MACF1: variants seen among roughly 807,000 people sequenced by gnomAD.
MACF1 encodes the protein microtubule actin crosslinking factor 1.
Under a neutral mutation model 854.8 loss-of-function variants are expected in MACF1, and 193 were observed. That is an observed-to-expected ratio of 0.23 (90% CI 0.20 to 0.25). The LOEUF (loss-of-function observed/expected upper bound fraction) is 0.25. Ranked by LOEUF, MACF1 falls within the 10% of genes least tolerant of loss-of-function variation. The probability of loss-of-function intolerance (pLI) is 1.00; values close to 1 mark genes in which losing one functional copy is unlikely to be tolerated. For synonymous variants in MACF1, 3,185 were observed against 3,226.7 expected, an observed-to-expected ratio of 0.99 and a Z score of 0.44; for missense variants, 7,722 against 8,929.1, an observed-to-expected ratio of 0.86 and a Z score of 5.45.
At chr1:39,423,687 A>G (rs1643630380) in intron 60 of MACF1, among the ~76,000 whole-genome samples, 1 of 152,004 alleles carries the variant, frequency 6.6e-6, no homozygotes, top group Non-Finnish European at 1.5e-5. Context: ...TTTGATATAC[A>G]TATACGTTGT....
chr1:39,456,559 T>C (rs751650424), intron 89 of MACF1: 20 of 152,270 alleles, frequency 1.3e-4, no homozygotes, highest in Non-Finnish European at 2.6e-4. Flanking sequence ...TGTAACTTCA[T>C]CGTAAGTCGA....
chr1:39,427,530 A>G lies in MACF1; in HGVS notation c.16392A>G (p.Leu5464=), dbSNP rs1643765821. 4 of 1,614,008 alleles carry G rather than the reference A, an allele frequency of 2.5e-6. No individual in the cohort carries two copies. Among genetic ancestry groups the G allele is most frequent in the Non-Finnish European group, 2.5e-6 (3 of 1,179,992 alleles). The part of the protein sequence containing the change: ...HETAEPISDF[L]SVTEKKLANS... The stretch of plus-strand genomic sequence containing the variant: ...CAGCTGAGCCTATTTCTGACTTCTT[A>G]TCTGTCACAGAGAAAAAGCTTGCTA... The change falls in exon 62 of 101, where the codon TTA becomes TTG. Residue 5464 remains leucine (L), a synonymous_variant. Coordinates refer to ENST00000564288, the MANE Select transcript of MACF1 (RefSeq NM_001394062.1).
intron 47 of MACF1, among the ~76,000 whole-genome samples, chr1:39,359,942 G>A (rs1305074696): frequency 7.6e-6 from 1 of 130,846 alleles, no homozygotes; most frequent in African/African-American, 2.9e-5. Flanking sequence ...AGCTGAGATC[G>A]TGCCACTGCA....
At chr1:39,415,123 T>A (rs1643238325) in intron 58 of MACF1, among the ~76,000 whole-genome samples, 1 of 152,192 alleles carries the variant, frequency 6.6e-6, no homozygotes, top group South Asian at 2.1e-4. Flanking sequence ...GCTAAATGAT[T>A]AAGAACTTTT....
chr1:39,458,773 G>A (rs989050129), intron 90 of MACF1: 7 of 499,868 alleles, frequency 1.4e-5, no homozygotes, highest in African/African-American at 1.3e-4. Flanking sequence ...TTTACATTTG[G>A]CTTGTACTAA....
chr1:39,303,663 C>G (rs1339491529), intron 23 of MACF1, among the ~76,000 whole-genome samples: 1 of 150,296 alleles, frequency 6.7e-6, no homozygotes. Flanking sequence ...ACCAGCCTGG[C>G]CAACACGGTG....
chr1:39,268,944 AC>A, intron 6 of MACF1: 11 of 1,286,140 alleles, frequency 8.6e-6, no homozygotes, highest in Non-Finnish European at 1.1e-5. Context: ...GGTAGAGCAT[AC>A]CCCCCCAGAT....
At chr1:39,365,767 C>G (rs1409696361) in intron 49 of MACF1, among the ~76,000 whole-genome samples, 1 of 151,652 alleles carries the variant, frequency 6.6e-6, no homozygotes, top group Non-Finnish European at 1.5e-5. Context: ...CCTCTGCCTT[C>G]CAGGTTCAAG....
At chr1:39,448,823 C>A in intron 84 of MACF1, 60 bp downstream of exon 84, 5 of 1,388,358 alleles carry the variant, frequency 3.6e-6, no homozygotes, top group South Asian at 3.2e-5. Flanking sequence ...GAGGTTCTTA[C>A]CAGATTCTAT....
intron 52 of MACF1, 98 bp from the exon 53 acceptor site, chr1:39,378,363 C>T: frequency 2.5e-6 from 2 of 801,182 alleles, no homozygotes; most frequent in Non-Finnish European, 4.4e-6. Flanking sequence ...CTTCCTGATA[C>T]CTAAGCTTAA....
intron 2 of MACF1, among the ~76,000 whole-genome samples, chr1:39,166,240 G>A (rs1235268143): frequency 6.6e-6 from 1 of 151,462 alleles, no homozygotes; most frequent in Non-Finnish European, 1.5e-5. Context: ...TCTAATTTTT[G>A]TATTTTCAGT....
Position 39,357,836 on chromosome 1 carries a change from C to T in MACF1, c.11886C>T (p.Asn3962=), listed in dbSNP as rs1417723365. The T allele has an allele frequency of 3.7e-6, 6 of 1,614,096 alleles. No homozygotes were observed. The highest frequency in any genetic ancestry group is 3.4e-6 in the Non-Finnish European group (4 of 1,180,006). Reference sequence around the variant, plus strand: ...GCAAAGAACCATCAGAAATTGGAAACTTAGTAAAGGACAAGTTGAAGGATG... The same window carrying T: ...GCAAAGAACCATCAGAAATTGGAAATTTAGTAAAGGACAAGTTGAAGGATG... ...KEGKEPSEIG[N]LVKDKLKDAT... is the part of the protein sequence containing the mutation. The change falls in exon 45 of 101, where the codon AAC becomes AAT. Residue 3962 remains asparagine, a synonymous_variant. Transcript: ENST00000564288.
chr1:39,387,118 ACT>A, intron 57 of MACF1, 67 bp from the exon 58 acceptor site: 1 of 1,534,616 alleles, frequency 6.5e-7, no homozygotes, highest in Admixed American at 1.9e-5. Flanking sequence ...TAGACCGTAT[ACT>A]CTCAGCAAAC....
In MACF1 at chr1:39,300,255, C is replaced by T. The variant is rs749203797; in HGVS notation, c.2527C>T (p.Leu843Phe). The change falls in exon 22 of 101, where the codon CTC (leucine) becomes TTC (phenylalanine). Residue 843 changes from leucine (L) to phenylalanine (F), a missense_variant. By Grantham distance (22) the Leu-to-Phe change is conservative. Transcript: ENST00000564288. Reference protein sequence around the residue: ...LIQSKSSVASLVGRSKTIVQL... With the variant: ...LIQSKSSVASFVGRSKTIVQL... ...ACAGTCCAAGAGTTCCGTTGCCAGT[C>T]TCGTTGGGAGATCAAAAACCATCGT... The T allele has an allele frequency of 6.2e-7, 1 of 1,614,034 alleles. No homozygotes were observed. The highest frequency in any genetic ancestry group is 8.5e-7 in the Non-Finnish European group (1 of 1,180,014).
chr1:39,170,224 C>T (rs1407630604), intron 2 of MACF1, among the ~76,000 whole-genome samples: 1 of 152,188 alleles, frequency 6.6e-6, no homozygotes, highest in East Asian at 1.9e-4. Flanking sequence ...TGATGTATCA[C>T]TTTCCCAAGC....
chr1:39,298,488 A>G (rs913853565), intron 21 of MACF1, among the ~76,000 whole-genome samples: 3 of 152,232 alleles, frequency 2.0e-5, no homozygotes, highest in African/African-American at 7.2e-5. Context: ...ATAGAAATGT[A>G]TATGCAATAG....
chr1:39,372,608 C>T lies in MACF1; in HGVS notation c.13213+12C>T, dbSNP rs764262226. 73 of 1,547,334 alleles carry T rather than the reference C, an allele frequency of 4.7e-5. No homozygotes were observed. The East Asian group carries it at 1.6e-3, about 34-fold the overall frequency. On this transcript the variant is annotated intron_variant, in intron 52 of 100. Transcript: ENST00000564288. ...CCAAGGCAAGACAGGTGAGTACAGG[C>T]TCTTCAAAATATAGTGAATAAAAAT...
At chr1:39,100,758 G>A (rs936850710) in intron 2 of MACF1, among the ~76,000 whole-genome samples, 2 of 152,002 alleles carry the variant, frequency 1.3e-5, no homozygotes, top group Non-Finnish European at 2.9e-5. Context: ...AGAGGCTGAG[G>A]CAGGAGAATG....
chr1:39,268,868 CA>C, intron 6 of MACF1: 1 of 1,289,650 alleles, frequency 7.8e-7, no homozygotes, highest in East Asian at 5.6e-5. Flanking sequence ...GAACTGGAGT[CA>C]TTGAAGAGAC....
Sources: allele counts gnomAD v4.1 joint callset (sites outside exome capture counted in the v4.1 genomes callset), GRCh38; gene constraint gnomAD v4.1.1; transcripts MANE v1.5; gene names NCBI Gene and HGNC (gene_info 2026-07-23, HGNC 2026-07-21).